The following LRFN5 variants were observed in gnomAD, a reference collection of about 807,000 sequenced individuals.
LRFN5 encodes leucine-rich repeat and fibronectin type-III domain-containing protein 5.
A neutral mutation model predicts 45.6 loss-of-function variants in LRFN5; 24 were observed. That is an observed-to-expected ratio of 0.53 (90% confidence interval 0.38 to 0.74). LRFN5 has a LOEUF of 0.74. Ranked by LOEUF, LRFN5 falls within the 30% of genes least tolerant of loss-of-function variation. The probability of loss-of-function intolerance (pLI) is 0.00; values close to 1 mark genes in which losing one functional copy is unlikely to be tolerated. For missense variants in LRFN5, 776 were observed against 861.5 expected (o/e 0.90, Z 1.24); for synonymous variants, 340 against 313.8 (o/e 1.08, Z -0.88).
chr14:41,829,638 A>G (rs1368324844), intron 2 of LRFN5, among the ~76,000 whole-genome samples: 7 of 152,030 alleles, frequency 4.6e-5, no homozygotes, highest in Middle Eastern at 3.4e-3. Context: ...CTTTGTTTAT[A>G]AAATTCCCTT....
At chr14:41,784,876 G>A (rs117846132) in intron 2 of LRFN5, among the ~76,000 whole-genome samples, 2,030 of 152,214 alleles carry the variant, frequency 0.013, 19 homozygotes, top group Non-Finnish European at 0.018. Flanking sequence ...TGATCTGTCA[G>A]CCTCATTCTC....
Position 41,887,659 on chromosome 14 carries a change from T to C in LRFN5, c.1034T>C (p.Leu345Pro). Residue 345 changes from leucine (L) to proline (P), a missense_variant, in exon 3 of 6, where the codon CTT becomes CCT. Physicochemically the swap from Leu to Pro is moderately conservative, Grantham distance 98 (BLOSUM62 -3). This residue lies in a region of LRFN5 where 465 missense variants were observed against 456.4 expected (regional missense o/e 1.02). Transcript: ENST00000298119. This position sits in a 1 kb window ranked among gnomAD's most constrained non-coding sequence, Gnocchi z 4.8. Reference protein sequence around the residue: ...LVYDNGTLDILITTVKDTGAF... With the variant: ...LVYDNGTLDIPITTVKDTGAF... ...TATGATAACGGAACACTTGACATTCTTATCACAACTGTAAAGGATACAGGT... is the reference window on the plus strand; with the variant it reads ...TATGATAACGGAACACTTGACATTCCTATCACAACTGTAAAGGATACAGGT... The C allele has an allele frequency of 6.2e-7, 1 of 1,614,214 alleles. No homozygotes were observed. The highest frequency in any genetic ancestry group is 8.5e-7 in the Non-Finnish European group (1 of 1,180,042).
intron 1 of LRFN5, among the ~76,000 whole-genome samples, chr14:41,674,978 A>G (rs1318836341): frequency 7.0e-6 from 1 of 143,700 alleles, no homozygotes; most frequent in Admixed American, 6.9e-5. Context: ...CGGCAGGGCA[A>G]AGTCGCTCCC....
chr14:41,644,764 A>C (rs1879734450), intron 1 of LRFN5, among the ~76,000 whole-genome samples: 1 of 152,182 alleles, frequency 6.6e-6, no homozygotes, highest in Non-Finnish European at 1.5e-5. Flanking sequence ...TTGATAGTTT[A>C]ATTCTCAGAT....
At chr14:41,696,188 C>T (rs1170031060) in intron 1 of LRFN5, among the ~76,000 whole-genome samples, 2 of 151,796 alleles carry the variant, frequency 1.3e-5, no homozygotes, top group African/African-American at 2.4e-5. Context: ...TAAATTGCTG[C>T]GATCTCATGA....
At chr14:41,619,024 A>C (rs566243554) in intron 1 of LRFN5, among the ~76,000 whole-genome samples, 1 of 138,242 alleles carries the variant, frequency 7.2e-6, no homozygotes, top group African/African-American at 2.7e-5. Context: ...AGCTTCTCTG[A>C]AAAGGTTTTC....
chr14:41,759,490 C>T (rs761935867), intron 1 of LRFN5, among the ~76,000 whole-genome samples: 23 of 82,292 alleles, frequency 2.8e-4, no homozygotes, highest in Admixed American at 4.3e-4. Context: ...CACACACACA[C>T]ACACACACAG....
At chr14:41,723,600 G>A (rs1363323826) in intron 1 of LRFN5, among the ~76,000 whole-genome samples, 1 of 152,072 alleles carries the variant, frequency 6.6e-6, no homozygotes, top group African/African-American at 2.4e-5. Context: ...GCAGGCTAGG[G>A]CATCCAGCAA....
chr14:41,832,387 T>A (rs907020018), intron 2 of LRFN5, among the ~76,000 whole-genome samples: 5 of 152,180 alleles, frequency 3.3e-5, no homozygotes, highest in Non-Finnish European at 7.3e-5. Context: ...CAATACAATA[T>A]TCGGTCACTG....
intron 4 of LRFN5, among the ~76,000 whole-genome samples, chr14:41,895,844 A>C (rs1219468828): frequency 1.3e-5 from 2 of 149,820 alleles, no homozygotes; most frequent in Admixed American, 1.3e-4. Flanking sequence ...GAACCATTCT[A>C]AGAAATCTCT....
chr14:41,632,420 A>G (rs1168697691), intron 1 of LRFN5, among the ~76,000 whole-genome samples: 1 of 152,144 alleles, frequency 6.6e-6, no homozygotes, highest in Non-Finnish European at 1.5e-5. Context: ...CCTGGCCAAC[A>G]TGGTGAAACC....
At chr14:41,869,618 A>T (rs1004172719) in intron 2 of LRFN5, among the ~76,000 whole-genome samples, 5 of 152,134 alleles carry the variant, frequency 3.3e-5, no homozygotes. Context: ...ATAATTTATA[A>T]AGAAAAAGAG....
At chr14:41,756,758 G>A (rs747656445) in intron 1 of LRFN5, among the ~76,000 whole-genome samples, 10 of 152,052 alleles carry the variant, frequency 6.6e-5, no homozygotes, top group Non-Finnish European at 1.0e-4. Flanking sequence ...CTTTCAACTC[G>A]TCAAAATCAT....
At chr14:41,689,293 GACAA>G (rs767918631) in intron 1 of LRFN5, among the ~76,000 whole-genome samples, 6 of 151,938 alleles carry the variant, frequency 3.9e-5, no homozygotes, top group African/African-American at 1.4e-4. Context: ...AAAAACGATA[GACAA>G]ACACAACAAA....
chr14:41,898,876 A>T (rs762505270), intron 4 of LRFN5, 41 bp from the exon 5 acceptor site: 1 of 1,577,000 alleles, frequency 6.3e-7, no homozygotes, highest in Non-Finnish European at 8.6e-7. Flanking sequence ...ATTTCTTTTA[A>T]AAAAATGAAT....
chr14:41,884,647 C>A (rs1890500228), intron 2 of LRFN5, among the ~76,000 whole-genome samples: 1 of 152,152 alleles, frequency 6.6e-6, no homozygotes, highest in Admixed American at 6.5e-5. Context: ...TTGAAACTTA[C>A]ATAGCATTTA....
intron 1 of LRFN5, among the ~76,000 whole-genome samples, chr14:41,662,009 A>T (rs1438953415): frequency 6.6e-6 from 1 of 152,012 alleles, no homozygotes; most frequent in South Asian, 2.1e-4. Context: ...AATGACATTG[A>T]CAAGAGAAGG....
Position 41,734,316 on chromosome 14 carries a change from TTATATATATATA to T in LRFN5, c.-196-32520_-196-32509del, listed in dbSNP as rs60855395. On this transcript the variant is annotated intron_variant, in intron 1 of 5. Coordinates refer to ENST00000298119, the MANE Select transcript of LRFN5 (RefSeq NM_152447.5). ...GTGAGCCACCTTTCCTGGACTGGTT[TTATATATATATA>T]TATATATATATATATATTTAAATTT... Among the ~76,000 whole-genome samples the T allele has an allele frequency of 7.0e-3, 270 of 38,798 alleles. 29 individuals carry two copies. The highest frequency in any genetic ancestry group is 0.02 in the South Asian group (8 of 392). 25.5% of individuals were successfully genotyped at this position (38,798 alleles called of 152,430 possible).
chr14:41,640,473 G>T (rs1341627766), intron 1 of LRFN5, among the ~76,000 whole-genome samples: 3 of 151,948 alleles, frequency 2.0e-5, no homozygotes, highest in Admixed American at 1.3e-4. Flanking sequence ...TTCTCAAATG[G>T]TTTCTATCAT....
Sources: allele counts gnomAD v4.1 joint callset (sites outside exome capture counted in the v4.1 genomes callset), GRCh38; gene constraint gnomAD v4.1.1; regional missense constraint gnomAD v4.1.1; non-coding constraint Gnocchi (gnomAD v3.1); transcripts MANE v1.5; gene names NCBI Gene and HGNC (gene_info 2026-07-23, HGNC 2026-07-21).